RALYL: variants seen among roughly 807,000 people sequenced by gnomAD.
The protein encoded by RALYL is RNA-binding Raly-like protein.
RALYL carries 29 observed loss-of-function variants against 35.1 expected under a neutral mutation model. The observed-to-expected ratio is 0.83, with a 90% CI of 0.61 to 1.13. The LOEUF (loss-of-function observed/expected upper bound fraction) is 1.13. RALYL is among the 50% of genes most tolerant of loss of function. The probability of loss-of-function intolerance (pLI) is 0.00; values close to 1 mark genes in which losing one functional copy is unlikely to be tolerated. For synonymous variants in RALYL, 120 were observed against 127.6 expected (o/e 0.94, Z 0.40); for missense variants, 359 against 360.4 (o/e 1.00, Z 0.03).
intron 5 of RALYL, among the ~76,000 whole-genome samples, chr8:84,855,017 T>G (rs1836690995): frequency 6.6e-6 from 1 of 152,210 alleles, no homozygotes; most frequent in Non-Finnish European, 1.5e-5. Flanking sequence ...TGGATTCTGC[T>G]GATGCTACTG....
chr8:84,723,663 A>T (rs1563441463), intron 2 of RALYL, among the ~76,000 whole-genome samples: 1 of 151,954 alleles, frequency 6.6e-6, no homozygotes, highest in Non-Finnish European at 1.5e-5. Flanking sequence ...AGCATTAGTT[A>T]CTTCACTTTT....
At chr8:84,622,915 A>G (rs1821875021) in intron 2 of RALYL, among the ~76,000 whole-genome samples, 1 of 152,196 alleles carries the variant, frequency 6.6e-6, no homozygotes, top group Admixed American at 6.5e-5. Flanking sequence ...AGAGGATGTG[A>G]AGTTTGGTTG....
At chr8:84,525,946 CTTTTTTCTTTTTT>C (rs1358184149) in intron 1 of RALYL, among the ~76,000 whole-genome samples, 1 of 122,804 alleles carries the variant, frequency 8.1e-6, no homozygotes, top group Non-Finnish European at 1.7e-5. Context: ...TTTCTCTTTT[CTTTTTTCTTTTTT>C]TTTTTTTTTT....
At chr8:84,846,350 A>G (rs1834659398) in intron 4 of RALYL, among the ~76,000 whole-genome samples, 1 of 151,698 alleles carries the variant, frequency 6.6e-6, no homozygotes, top group African/African-American at 2.4e-5. Context: ...GAGATCTTTC[A>G]CCTCCTTGGT....
intron 3 of RALYL, among the ~76,000 whole-genome samples, chr8:84,774,876 T>C (rs908707283): frequency 6.6e-5 from 10 of 152,202 alleles, no homozygotes; most frequent in Non-Finnish European, 1.5e-4. Flanking sequence ...TTCTACGAGA[T>C]ACTTATCTAA....
In RALYL at chr8:84,796,448, CTCTT is replaced by C. The variant is rs536672736; in HGVS notation, c.333-8316_333-8313del. Among the ~76,000 whole-genome samples, 255 of 152,252 alleles carry C rather than the reference CTCTT, an allele frequency of 1.7e-3. 1 individual carries two copies. Among genetic ancestry groups the C allele is most frequent in the African/African-American group, 5.9e-3 (245 of 41,556 alleles). On this transcript the variant is annotated intron_variant, in intron 3 of 8. Transcript: ENST00000521268. ...TCCTTTCCCTATTACATAAAGAAGA[CTCTT>C]TCTTTATTAAATCTTTAGGCAATAA...
rs545652749 is a variant in RALYL at position 84,415,944 on chromosome 8, C to G, written c.-23-113355C>G. 2.0e-4 allele frequency among the ~76,000 whole-genome samples: 31 copies of G among 152,202 alleles called. No individual in the cohort carries two copies. The South Asian group carries it at 6.0e-3, about 30-fold the overall frequency. ...TATGAGTATCTTTTCATTGTCAAGT[C>G]GCAGATTCATGTCTGATTTCAGAAC... is the stretch of plus-strand genomic sequence containing the variant. On this transcript the variant is annotated intron_variant, in intron 1 of 8. Transcript: ENST00000521268.
chr8:84,500,327 G>T (rs964488276), intron 1 of RALYL, among the ~76,000 whole-genome samples: 6 of 152,008 alleles, frequency 3.9e-5, no homozygotes, highest in African/African-American at 1.4e-4. Flanking sequence ...TCTACAATCA[G>T]TATGTAATCA....
chr8:84,834,430 G>A (rs1440772932), intron 4 of RALYL, among the ~76,000 whole-genome samples: 1 of 152,214 alleles, frequency 6.6e-6, no homozygotes, highest in African/African-American at 2.4e-5. Context: ...GAGGATGTTA[G>A]TGGACTGGAG....
At chr8:84,401,587 C>G (rs1403873276) in intron 1 of RALYL, among the ~76,000 whole-genome samples, 1 of 130,578 alleles carries the variant, frequency 7.7e-6, no homozygotes, top group Non-Finnish European at 1.5e-5. Flanking sequence ...GCAGTGAGCC[C>G]AGATAGCGCC....
At chr8:84,874,509 G>T (rs968047267) in intron 7 of RALYL, among the ~76,000 whole-genome samples, 10 of 152,098 alleles carry the variant, frequency 6.6e-5, no homozygotes, top group South Asian at 4.1e-4. Flanking sequence ...TTTCACTAAA[G>T]TAAGGCTATC....
chr8:84,826,157 GA>G (rs1007752808), intron 4 of RALYL, among the ~76,000 whole-genome samples: 14 of 151,958 alleles, frequency 9.2e-5, no homozygotes, highest in African/African-American at 3.4e-4. Flanking sequence ...ACTAGAGGGG[GA>G]AAGGGAGGGA....
At chr8:84,552,469 G>GAACTCACTCATATA (rs1370750125) in intron 2 of RALYL, among the ~76,000 whole-genome samples, 1 of 136,658 alleles carries the variant, frequency 7.3e-6, no homozygotes, top group Non-Finnish European at 1.5e-5. Context: ...TCTCCAATAT[G>GAACTCACTCATATA]AACTCACTCA....
At chr8:84,664,262 G>GGT (rs750256632) in intron 2 of RALYL, among the ~76,000 whole-genome samples, 1 of 43,062 alleles carries the variant, frequency 2.3e-5, no homozygotes, top group South Asian at 8.8e-4. Context: ...GATGCCTCTA[G>GGT]ATTTTTTTTT....
At chr8:84,787,073 A>G (rs947334074) in intron 3 of RALYL, among the ~76,000 whole-genome samples, 2 of 152,164 alleles carry the variant, frequency 1.3e-5, no homozygotes, top group African/African-American at 2.4e-5. Context: ...GGTTTGTTAC[A>G]TAGGTATACA....
rs71271987 is a variant in RALYL, at chr8:84,426,438, CTGTGTGTGTG to C, written c.-23-102834_-23-102825del. On this transcript the variant is annotated intron_variant, in intron 1 of 8. Coordinates refer to ENST00000521268, the MANE Select transcript of RALYL (RefSeq NM_173848.7). ...ACTCTTTTGCGTTCTCTCTCTCTCT[CTGTGTGTGTG>C]TGTGTGTGTGTGTGTGTGTGTGTGT... 3.7e-5 allele frequency among the ~76,000 whole-genome samples: 5 copies of C among 136,110 alleles called. No homozygotes were observed. The East Asian group carries it at 6.6e-4, about 18-fold the overall frequency. 89.3% of individuals were successfully genotyped at this position (136,110 alleles called of 152,430 possible).
intron 2 of RALYL, among the ~76,000 whole-genome samples, chr8:84,647,398 G>T (rs1554763166): frequency 6.6e-6 from 1 of 151,952 alleles, no homozygotes; most frequent in Non-Finnish European, 1.5e-5. Context: ...GAAGTAAGAG[G>T]GTGATGTGTA....
intron 2 of RALYL, among the ~76,000 whole-genome samples, chr8:84,716,067 T>C (rs369273351): frequency 6.6e-6 from 1 of 152,168 alleles, no homozygotes; most frequent in East Asian, 1.9e-4. Context: ...GACGATTCTT[T>C]TGACCCCTAG....
At chr8:84,217,620 C>T (rs1039549268) in intron 1 of RALYL, among the ~76,000 whole-genome samples, 56 of 152,108 alleles carry the variant, frequency 3.7e-4, no homozygotes, top group Middle Eastern at 3.4e-3. Flanking sequence ...CTCATATATA[C>T]GATTTTTTAA....
Sources: allele counts gnomAD v4.1 joint callset (sites outside exome capture counted in the v4.1 genomes callset), GRCh38; gene constraint gnomAD v4.1.1; transcripts MANE v1.5; gene names NCBI Gene and HGNC (gene_info 2026-07-23, HGNC 2026-07-21).